The following COPS7B variants were observed in gnomAD, a reference collection of about 807,000 sequenced individuals.
The protein encoded by COPS7B is COP9 signalosome subunit 7B.
A neutral mutation model predicts 33.4 loss-of-function variants in COPS7B; 9 were observed. The observed-to-expected ratio is 0.27, with a 90% CI of 0.16 to 0.47. COPS7B has a LOEUF of 0.47. Ranked by LOEUF, COPS7B falls within the 20% of genes least tolerant of loss-of-function variation. COPS7B has a pLI of 0.99. For missense variants in COPS7B, 242 were observed against 318.2 expected (o/e 0.76, Z 1.82); for synonymous variants, 119 against 126.3 (o/e 0.94, Z 0.39).
intron 6 of COPS7B, among the ~76,000 whole-genome samples, chr2:231,799,727 G>C (rs1284815523): frequency 6.6e-6 from 1 of 152,188 alleles, no homozygotes; most frequent in Non-Finnish European, 1.5e-5. Flanking sequence ...TAGTGTGAAT[G>C]GAGTTTGAAG....
At chr2:231,781,840 A>G, upstream of COPS7B, 1 of 1,550,940 alleles carries the variant, frequency 6.4e-7, no homozygotes, top group Non-Finnish European at 8.7e-7. Context: ...GCCCGCAGAG[A>G]GTTAACTTCT....
At chr2:231,783,903 G>A (rs1480400436), upstream of COPS7B, among the ~76,000 whole-genome samples, 1 of 152,126 alleles carries the variant, frequency 6.6e-6, no homozygotes, top group African/African-American at 2.4e-5. Context: ...CACTGCATCT[G>A]ACAAGCAGAA....
In COPS7B at chr2:231,808,416, T is replaced by C. The variant is rs1180083912; in HGVS notation, c.*771T>C. 4 of 471,332 alleles carry C rather than the reference T, an allele frequency of 8.5e-6. No individual in the cohort carries two copies. The highest frequency in any genetic ancestry group is 1.5e-5 in the South Asian group (1 of 64,530). The allele number at this position is 471,332 out of a possible 1,614,324, so 29.2% of individuals were successfully genotyped here. A position where few individuals can be genotyped will look rare whatever the true frequency, so the allele number is the denominator to read the frequency against. ...TGACTACTCAGCCTTGTTTTCGGTG[T>C]GTAGGCCCCAGCTGCCCACTGGAAC... On this transcript the variant is annotated 3_prime_UTR_variant, in exon 7 of 7. Coordinates refer to ENST00000350033, the MANE Select transcript of COPS7B (RefSeq NM_022730.4).
rs1214283359 is a variant in COPS7B at position 231,807,812 on chromosome 2, C to G, written c.*167C>G. 1.7e-6 allele frequency: 1 copy of G among 590,830 alleles called. No individual in the cohort carries two copies. The highest frequency in any genetic ancestry group is 3.1e-5 in the East Asian group (1 of 32,648). 36.6% of individuals were successfully genotyped at this position (590,830 alleles called of 1,614,324 possible). A position where few individuals can be genotyped will look rare whatever the true frequency, so the allele number is the denominator to read the frequency against. On this transcript the variant is annotated 3_prime_UTR_variant, in exon 7 of 7. Coordinates refer to ENST00000350033, the MANE Select transcript of COPS7B (RefSeq NM_022730.4). Reference sequence around the variant, plus strand: ...TGTTCCAGAAAAACTGTTACTCCCCCTCACCCACTCCCTCCTTCCCCAGTT... The same window carrying G: ...TGTTCCAGAAAAACTGTTACTCCCCGTCACCCACTCCCTCCTTCCCCAGTT...
intron 1 of COPS7B, among the ~76,000 whole-genome samples, chr2:231,787,818 GAC>G (rs1364733949): frequency 6.6e-6 from 1 of 152,190 alleles, no homozygotes; most frequent in Non-Finnish European, 1.5e-5. Context: ...GGATTCTGAT[GAC>G]ACAGTGGGAG....
intron 1 of COPS7B, among the ~76,000 whole-genome samples, chr2:231,787,675 G>T (rs1464129043): frequency 6.6e-6 from 1 of 152,110 alleles, no homozygotes. Flanking sequence ...CAGCATGTAT[G>T]TTCTTAGTTT....
At chr2:231,796,431 T>G in intron 5 of COPS7B, 123 bp downstream of exon 5, 1 of 780,966 alleles carries the variant, frequency 1.3e-6, no homozygotes, top group African/African-American at 1.7e-5. Context: ...GAGCTGGGGC[T>G]TAGTGAGCCG....
rs778745632 is a variant in COPS7B at position 231,800,258 on chromosome 2, A to G, written c.636+1294A>G. On this transcript the variant is annotated intron_variant, in intron 6 of 6. Coordinates refer to ENST00000350033, the MANE Select transcript of COPS7B (RefSeq NM_022730.4). Reference sequence around the variant, plus strand: ...CAGCCTGGGCAAGGAAGTGTTAACTATATTTAACATTAGTCCAAAGCAAAG... The same window carrying G: ...CAGCCTGGGCAAGGAAGTGTTAACTGTATTTAACATTAGTCCAAAGCAAAG... Among the ~76,000 whole-genome samples the G allele has an allele frequency of 6.6e-5, 10 of 152,346 alleles. No individual in the cohort carries two copies. In the South Asian group the frequency reaches 1.0e-3, roughly 16 times the overall value.
intron 3 of COPS7B, chr2:231,792,144 A>T (rs2049435974): frequency 1.0e-5 from 5 of 492,180 alleles, no homozygotes; most frequent in Non-Finnish European, 2.0e-5. Context: ...CATTTTAAAT[A>T]TTATCAAAAT....
At chr2:231,803,237 G>A (rs1230336069) in intron 6 of COPS7B, among the ~76,000 whole-genome samples, 2 of 152,134 alleles carry the variant, frequency 1.3e-5, no homozygotes, top group African/African-American at 2.4e-5. Context: ...TGGACCAGGT[G>A]CTCAACTCTC....
At chr2:231,806,742 T>C (rs2049905908) in intron 6 of COPS7B, among the ~76,000 whole-genome samples, 1 of 152,194 alleles carries the variant, frequency 6.6e-6, no homozygotes, top group Non-Finnish European at 1.5e-5. Context: ...TCGACTTTGA[T>C]CTGGAAAGCT....
At chr2:231,803,473 T>A (rs1441488435) in intron 6 of COPS7B, among the ~76,000 whole-genome samples, 1 of 152,196 alleles carries the variant, frequency 6.6e-6, no homozygotes, top group South Asian at 2.1e-4. Context: ...CCAAGTCTTA[T>A]TTCTTTTTAT....
chr2:231,797,566 A>G (rs1029504856), intron 5 of COPS7B, among the ~76,000 whole-genome samples: 8 of 152,158 alleles, frequency 5.3e-5, no homozygotes, highest in Non-Finnish European at 8.8e-5. Flanking sequence ...TTAAGCCCCC[A>G]ATATGTTTGA....
At chr2:231,783,821 C>T (rs912333422), upstream of COPS7B, among the ~76,000 whole-genome samples, 11 of 152,068 alleles carry the variant, frequency 7.2e-5, no homozygotes, top group Admixed American at 1.3e-4. Flanking sequence ...ACTGCAACCT[C>T]GAACTCCTGG....
chr2:231,807,752 G>A lies in COPS7B; in HGVS notation c.*107G>A, dbSNP rs963029582. 2.0e-5 allele frequency: 21 copies of A among 1,068,004 alleles called. No homozygotes were observed. Among genetic ancestry groups the A allele is most frequent in the Non-Finnish European group, 2.5e-5 (19 of 761,188 alleles). 66.2% of individuals were successfully genotyped at this position (1,068,004 alleles called of 1,614,324 possible). On this transcript the variant is annotated 3_prime_UTR_variant, in exon 7 of 7. Transcript: ENST00000350033. ...CCTGCAGTGAGTTCCAGACCTGCCC[G>A]TCCCCTCACCAGCGCCTCCCCACCC...
chr2:231,785,125 C>T (rs570215022), upstream of COPS7B, among the ~76,000 whole-genome samples: 19 of 152,326 alleles, frequency 1.2e-4, no homozygotes, highest in South Asian at 3.9e-3. Context: ...AATCTCTTAT[C>T]TAGAATAAAT....
In COPS7B at chr2:231,808,359, C is replaced by G. The variant is rs550385912; in HGVS notation, c.*714C>G. 1.1e-5 allele frequency: 5 copies of G among 448,722 alleles called. No individual in the cohort carries two copies. The East Asian group carries it at 3.6e-4, about 32-fold the overall frequency. 27.8% of individuals were successfully genotyped at this position (448,722 alleles called of 1,614,324 possible). On this transcript the variant is annotated 3_prime_UTR_variant, in exon 7 of 7. Coordinates refer to ENST00000350033, the MANE Select transcript of COPS7B (RefSeq NM_022730.4). The stretch of plus-strand genomic sequence containing the variant: ...GCAGAAATGGTTCCTTCCGGCTTGG[C>G]GTTCTCTCCTGGCCACTCTTCCTGC...
chr2:231,793,704 CT>C (rs1463696833), intron 3 of COPS7B: 1 of 152,342 alleles, frequency 6.6e-6, no homozygotes, highest in African/African-American at 2.4e-5. Flanking sequence ...TCTCTTACCC[CT>C]GTCTCCTCCC....
chr2:231,794,562 TA>T (rs1391919248), intron 4 of COPS7B, among the ~76,000 whole-genome samples: 1 of 152,244 alleles, frequency 6.6e-6, no homozygotes, highest in Non-Finnish European at 1.5e-5. Flanking sequence ...CAGCAGGTCT[TA>T]GTCCTGGCAT....
Sources: allele counts gnomAD v4.1 joint callset (sites outside exome capture counted in the v4.1 genomes callset), GRCh38; gene constraint gnomAD v4.1.1; transcripts MANE v1.5; gene names NCBI Gene and HGNC (gene_info 2026-07-23, HGNC 2026-07-21).